ZNF616: variants seen among roughly 807,000 people sequenced by gnomAD.
ZNF616 encodes the protein zinc finger protein 616.
Under a neutral mutation model 7.6 loss-of-function variants are expected in ZNF616, and 5 were observed. The observed-to-expected ratio is 0.66, with a 90% CI of 0.34 to 1.38. The LOEUF (loss-of-function observed/expected upper bound fraction) is 1.38. ZNF616 is among the 40% of genes most tolerant of loss of function. The pLI is 0.04. For synonymous variants in ZNF616, 319 were observed against 317.2 expected (o/e 1.01, Z -0.06); for missense variants, 913 against 948.3 (o/e 0.96, Z 0.49).
intron 2 of ZNF616, 140 bp from the exon 3 acceptor site, chr19:52,124,189 C>T (rs2122154999): frequency 9.4e-7 from 1 of 1,068,078 alleles, no homozygotes. Context: ...TTATTGGTCC[C>T]TAATTTTAGT....
At chr19:52,138,737 A>C (rs2089034344) in intron 1 of ZNF616, 1 of 151,684 alleles carries the variant, frequency 6.6e-6, no homozygotes, top group South Asian at 2.1e-4. Flanking sequence ...TTCCCTGTTA[A>C]ATTCCCTTTT....
intron 3 of ZNF616, among the ~76,000 whole-genome samples, chr19:52,119,648 AG>A (rs1482538223): frequency 6.6e-6 from 1 of 152,168 alleles, no homozygotes; most frequent in East Asian, 1.9e-4. Flanking sequence ...TAATTTCACC[AG>A]GAACAGTTAA....
chr19:52,122,502 C>G (rs1456830045), intron 3 of ZNF616: 4 of 151,910 alleles, frequency 2.6e-5, no homozygotes, highest in African/African-American at 9.7e-5. Flanking sequence ...CAGAACAAAA[C>G]AAACAAACAA....
intron 1 of ZNF616, among the ~76,000 whole-genome samples, chr19:52,135,229 G>A (rs146281259): frequency 3.9e-5 from 6 of 152,034 alleles, no homozygotes; most frequent in African/African-American, 1.4e-4. Context: ...ATCGTGCTAC[G>A]AAATCCCACA....
intron 1 of ZNF616, chr19:52,138,349 A>G (rs950378641): frequency 2.0e-5 from 3 of 152,220 alleles, no homozygotes; most frequent in African/African-American, 7.2e-5. Context: ...AGCCTTGTAG[A>G]AAAGAGTGGT....
chr19:52,119,312 GT>G, intron 3 of ZNF616, among the ~76,000 whole-genome samples: 1 of 150,706 alleles, frequency 6.6e-6, no homozygotes, highest in South Asian at 2.1e-4. Context: ...GGAGGTGGAG[GT>G]TACAGTGAGC....
Position 52,115,642 on chromosome 19 carries a change from G to T in ZNF616, c.1522C>A (p.Leu508Ile). The T allele has an allele frequency of 1.2e-6, 2 of 1,613,952 alleles. No homozygotes were observed. The highest frequency in any genetic ancestry group is 1.7e-6 in the Non-Finnish European group (2 of 1,179,974). The change falls in exon 4 of 4, where the codon CTT becomes ATT. Residue 508 changes from leucine to isoleucine, a missense_variant. Leu to Ile is a conservative substitution (Grantham distance 5, BLOSUM62 2). Transcript: ENST00000600228. ...GTATGAATTCTCCGATGCACTGCAAGACGTGAATGTTGACTGAAGACCTTG... is the reference window on the plus strand; with the variant it reads ...GTATGAATTCTCCGATGCACTGCAATACGTGAATGTTGACTGAAGACCTTG... ...CGKVFSQHSR[L>I]AVHRRIHTGE...
At chr19:52,137,083 T>C (rs2122177900) in intron 1 of ZNF616, among the ~76,000 whole-genome samples, 2 of 138,346 alleles carry the variant, frequency 1.4e-5, no homozygotes, top group South Asian at 5.0e-4. Flanking sequence ...ATACAGAGTG[T>C]GTGTGTGTAT....
At position 52,113,919 on chromosome 19, in the gene ZNF616, T is replaced by C. The variant is rs2088791906; in HGVS notation, c.*899A>G. The C allele has an allele frequency of 6.6e-6, 1 of 152,154 alleles. No homozygotes were observed. The highest frequency in any genetic ancestry group is 2.4e-5 in the African/African-American group (1 of 41,426). 9.4% of individuals were successfully genotyped at this position (152,154 alleles called of 1,614,324 possible). ...GAACATTTCATTTTTTAAAACCATT[T>C]ATTTGGAAGGTTGTCTCTAGTATGA... On this transcript the variant is annotated 3_prime_UTR_variant, in exon 4 of 4. Coordinates refer to ENST00000600228, the MANE Select transcript of ZNF616 (RefSeq NM_178523.5).
At chr19:52,132,111 T>C (rs986920084) in intron 1 of ZNF616, among the ~76,000 whole-genome samples, 6 of 152,216 alleles carry the variant, frequency 3.9e-5, no homozygotes, top group African/African-American at 1.4e-4. Flanking sequence ...CCATTTTAGG[T>C]AAATGTAACT....
Position 52,113,178 on chromosome 19 carries a change from A to C in ZNF616, c.*1640T>G. 6.6e-6 allele frequency: 1 copy of C among 152,206 alleles called. No homozygotes were observed. 9.4% of individuals were successfully genotyped at this position (152,206 alleles called of 1,614,324 possible). On this transcript the variant is annotated 3_prime_UTR_variant, in exon 4 of 4. Coordinates refer to ENST00000600228, the MANE Select transcript of ZNF616 (RefSeq NM_178523.5). ...TACATACTGTCCTGAGTTTTAACAA[A>C]TGTTGTCTGGTAGTTATTCTGTAAT...
In ZNF616 at chr19:52,116,109, G is replaced by A; in HGVS notation, c.1055C>T (p.Pro352Leu). 1 of 1,614,126 alleles carries A rather than the reference G, an allele frequency of 6.2e-7. No homozygotes were observed. The highest frequency in any genetic ancestry group is 8.5e-7 in the Non-Finnish European group (1 of 1,180,028). The change falls in exon 4 of 4, where the codon CCA (proline) becomes CTA (leucine). Residue 352 changes from proline to leucine, a missense_variant. By Grantham distance (98) the Pro-to-Leu change is moderately conservative (BLOSUM62 -3). Coordinates refer to ENST00000600228, the MANE Select transcript of ZNF616 (RefSeq NM_178523.5). ...VHQVIHAGKKPYKCDVCGKAF... is the reference protein window; with the variant it reads ...VHQVIHAGKKLYKCDVCGKAF... ...CTTGCCACATACATCACATTTATATGGTTTCTTTCCTGCATGGATTACCTG... is the reference window on the plus strand; with the variant it reads ...CTTGCCACATACATCACATTTATATAGTTTCTTTCCTGCATGGATTACCTG...
chr19:52,127,200 G>A (rs1045307864), intron 2 of ZNF616, among the ~76,000 whole-genome samples: 10 of 151,988 alleles, frequency 6.6e-5, no homozygotes, highest in East Asian at 1.9e-4. Flanking sequence ...GATTAAAGAC[G>A]TGCACCATCA....
chr19:52,119,289 T>G (rs916627949), intron 3 of ZNF616, among the ~76,000 whole-genome samples: 1 of 151,618 alleles, frequency 6.6e-6, no homozygotes, highest in African/African-American at 2.4e-5. Flanking sequence ...AGGCAGGGAA[T>G]TGCTTGAACC....
Position 52,116,269 on chromosome 19 carries a change from A to C in ZNF616, c.895T>G (p.Cys299Gly), listed in dbSNP as rs1002592713. 4 of 1,614,010 alleles carry C rather than the reference A, an allele frequency of 2.5e-6. No homozygotes were observed. The highest frequency in any genetic ancestry group is 3.4e-6 in the Non-Finnish European group (4 of 1,180,020). ...RIHTGEKPYK[C>G]NLCGKSFSQR... ...CTAAAGGATTTCCCACACAGATTACATTTGTAAGGTTTTTCACCGGTATGA... is the reference window on the plus strand; with the variant it reads ...CTAAAGGATTTCCCACACAGATTACCTTTGTAAGGTTTTTCACCGGTATGA... Residue 299 changes from cysteine (C) to glycine (G), a missense_variant, in exon 4 of 4, where the codon TGT (cysteine) becomes GGT (glycine). By Grantham distance (159) the Cys-to-Gly change is radical (BLOSUM62 -3). Transcript: ENST00000600228.
Position 52,116,356 on chromosome 19 carries a change from T to G in ZNF616, c.808A>C (p.Ile270Leu), listed in dbSNP as rs761588288. ...AAGGACTTGCCACATTCATTACATA[T>G]GTAGGGTTTCTGTCCAGTGTGACTC... ...QRSHTGQKPY[I>L]CNECGKSFSK... is the part of the protein sequence containing the mutation. The change falls in exon 4 of 4, where the codon ATA becomes CTA. Residue 270 changes from isoleucine (I) to leucine (L), a missense_variant. Ile to Leu is a conservative substitution (Grantham distance 5). Coordinates refer to ENST00000600228, the MANE Select transcript of ZNF616 (RefSeq NM_178523.5). 12 of 1,614,046 alleles carry G rather than the reference T, an allele frequency of 7.4e-6. No individual in the cohort carries two copies. In the Admixed American group the frequency reaches 2.0e-4, roughly 27 times the overall value.
chr19:52,134,927 G>T (rs939683654), intron 1 of ZNF616, among the ~76,000 whole-genome samples: 2 of 152,142 alleles, frequency 1.3e-5, no homozygotes, highest in Middle Eastern at 3.4e-3. Context: ...AGAGGTGGGG[G>T]GAAAGTAATC....
At chr19:52,130,615 A>T in intron 1 of ZNF616, 27 bp from the exon 2 acceptor site, 1 of 1,499,084 alleles carries the variant, frequency 6.7e-7, no homozygotes, top group Non-Finnish European at 9.0e-7. Context: ...CTGTTGTTTA[A>T]TGCTTGGAAA....
chr19:52,120,454 G>C (rs1385702699), intron 3 of ZNF616, among the ~76,000 whole-genome samples: 1 of 152,156 alleles, frequency 6.6e-6, no homozygotes, highest in Non-Finnish European at 1.5e-5. Context: ...GCAAGAGTGA[G>C]TCCTTCTCTA....
Sources: gnomAD v4.1 joint callset for allele counts (sites outside exome capture counted in the v4.1 genomes callset) on GRCh38, gnomAD v4.1.1 for gene constraint, MANE v1.5 for transcripts, NCBI Gene and HGNC (gene_info 2026-07-23, HGNC 2026-07-21) for gene names.